Variants in TNRC6B observed in about 807,000 individuals in gnomAD.
The protein encoded by TNRC6B is trinucleotide repeat containing adaptor 6B, also known as trinucleotide repeat-containing gene 6B protein.
In TNRC6B, 52 loss-of-function variants were observed where a neutral mutation model predicts 203.6. That is an observed-to-expected ratio of 0.26 (90% CI 0.20 to 0.32). The LOEUF (loss-of-function observed/expected upper bound fraction) is 0.32. Ranked by LOEUF, TNRC6B falls within the 10% of genes least tolerant of loss-of-function variation. The pLI, the probability that TNRC6B is intolerant of heterozygous loss-of-function variation, is 1.00. For missense variants in TNRC6B, 1,923 were observed against 2,286.2 expected, an observed-to-expected ratio of 0.84 and a Z score of 3.24; for synonymous variants, 838 against 845.7, an observed-to-expected ratio of 0.99 and a Z score of 0.16.
Position 40,261,930 on chromosome 22 carries a change from A to G in TNRC6B, c.214A>G (p.Arg72Gly). ...AGTCAATGGTGGCAACAATGCCAAA[A>G]GGGTGGCAGTGCCGAACGGACAACC... is the stretch of plus-strand genomic sequence containing the variant. ...PPVNGGNNAK[R>G]VAVPNGQPPS... is the part of the protein sequence containing the mutation. Residue 72 changes from arginine to glycine, a missense_variant, in exon 4 of 23, where the codon AGG becomes GGG. By Grantham distance (125) the Arg-to-Gly change is moderately radical. Transcript: ENST00000454349. The G allele has an allele frequency of 6.2e-7, 1 of 1,611,992 alleles. No homozygotes were observed. Among genetic ancestry groups the G allele is most frequent in the Non-Finnish European group, 8.5e-7 (1 of 1,178,444 alleles).
At chr22:40,216,291 C>T (rs556626539) in intron 1 of TNRC6B, among the ~76,000 whole-genome samples, 4 of 152,304 alleles carry the variant, frequency 2.6e-5, no homozygotes, top group East Asian at 1.9e-4. Flanking sequence ...CCCAGCCCCT[C>T]ATTTCCCTTA....
chr22:40,229,385 C>T (rs933317494), intron 1 of TNRC6B, among the ~76,000 whole-genome samples: 2 of 151,664 alleles, frequency 1.3e-5, no homozygotes, highest in African/African-American at 4.8e-5. Flanking sequence ...ACTTACGGGG[C>T]TGTGTCATTC....
intron 21 of TNRC6B, 88 bp from the exon 22 acceptor site, chr22:40,321,002 A>G: frequency 1.3e-6 from 2 of 1,494,430 alleles, no homozygotes; most frequent in Middle Eastern, 1.7e-4. Context: ...TGGGCACACT[A>G]GGTCTCAGCC....
At position 40,083,117 on chromosome 22, in the gene TNRC6B, C is replaced by T. The variant is rs116466035; in HGVS notation, c.-120-33938C>T. 5.5e-3 allele frequency among the ~76,000 whole-genome samples: 836 copies of T among 152,182 alleles called. 9 individuals carry two copies. The highest frequency in any genetic ancestry group is 0.019 in the African/African-American group (799 of 41,510). On this transcript the variant is annotated intron_variant, in intron 1 of 23. Coordinates refer to the TNRC6B transcript ENST00000301923. ...AGAGAAGGGGGTTTGATATTAAGTT[C>T]TGAATTACTATTAGCATTTAAGGAT...
In TNRC6B at chr22:40,093,106, A is replaced by G. The variant is rs1235463156; in HGVS notation, c.-120-23949A>G. On this transcript the variant is annotated intron_variant, in intron 1 of 23. Coordinates refer to the TNRC6B transcript ENST00000301923. Reference sequence around the variant, plus strand: ...TGAAAACATGCTGTGCATGATAAATACAATTTTTATCAATTAAGAAAATAA... The same window carrying G: ...TGAAAACATGCTGTGCATGATAAATGCAATTTTTATCAATTAAGAAAATAA... 2.0e-5 allele frequency among the ~76,000 whole-genome samples: 3 copies of G among 152,278 alleles called. No homozygotes were observed. In the East Asian group the frequency reaches 5.8e-4, roughly 29 times the overall value.
At chr22:40,205,041 G>T (rs2069462213) in intron 1 of TNRC6B, among the ~76,000 whole-genome samples, 1 of 152,172 alleles carries the variant, frequency 6.6e-6, no homozygotes, top group Non-Finnish European at 1.5e-5. Flanking sequence ...AGAGCAGTTT[G>T]CCTAACATAT....
At chr22:40,244,220 A>AG (rs2070072436) in intron 1 of TNRC6B, among the ~76,000 whole-genome samples, 1 of 152,208 alleles carries the variant, frequency 6.6e-6, no homozygotes, top group African/African-American at 2.4e-5. Context: ...TTCTTAAAGG[A>AG]GGGCACTGCT....
chr22:40,308,224 C>A (rs369581594), intron 15 of TNRC6B, among the ~76,000 whole-genome samples: 4 of 152,318 alleles, frequency 2.6e-5, no homozygotes, highest in East Asian at 1.9e-4. Context: ...TGGCCCCAGC[C>A]TCCTGTCTGG....
intron 3 of TNRC6B, among the ~76,000 whole-genome samples, chr22:40,153,804 C>T (rs112233098): frequency 0.021 from 3,187 of 150,350 alleles, 70 homozygotes; most frequent in African/African-American, 0.057. Flanking sequence ...GTTTGTCAGC[C>T]GGTAGTATTA....
chr22:40,174,169 CT>C (rs879548015), upstream of TNRC6B, among the ~76,000 whole-genome samples: 114 of 142,542 alleles, frequency 8.0e-4, 1 homozygote, highest in Admixed American at 8.4e-4. Flanking sequence ...TTTTCTTTTT[CT>C]TTTTTTTTTT....
chr22:40,199,338 GA>G (rs1319297215), intron 1 of TNRC6B, among the ~76,000 whole-genome samples: 1 of 152,086 alleles, frequency 6.6e-6, no homozygotes, highest in Admixed American at 6.6e-5. Context: ...CTTTCCAATG[GA>G]GAGGCCTGGC....
chr22:40,178,910 C>T (rs1368242452), intron 1 of TNRC6B, among the ~76,000 whole-genome samples: 2 of 152,172 alleles, frequency 1.3e-5, no homozygotes, highest in Non-Finnish European at 2.9e-5. Flanking sequence ...AACAGCTATT[C>T]ACCGCGATTA....
chr22:40,106,144 T>C (rs2068280714), intron 1 of TNRC6B, among the ~76,000 whole-genome samples: 1 of 152,088 alleles, frequency 6.6e-6, no homozygotes, highest in Non-Finnish European at 1.5e-5. Flanking sequence ...GTTATCCTTT[T>C]CTCTTTTAGA....
chr22:40,287,962 C>T (rs1018162153), intron 12 of TNRC6B, among the ~76,000 whole-genome samples: 3 of 152,208 alleles, frequency 2.0e-5, no homozygotes, highest in Non-Finnish European at 4.4e-5. Flanking sequence ...TTTCTGAGCA[C>T]ACCAGATTAA....
intron 4 of TNRC6B, among the ~76,000 whole-genome samples, chr22:40,172,646 C>A (rs957804740): frequency 1.3e-5 from 2 of 152,190 alleles, no homozygotes; most frequent in Non-Finnish European, 2.9e-5. Context: ...TTTGTACCAT[C>A]TTAGTCTAAA....
intron 4 of TNRC6B, chr22:40,156,219 G>T: frequency 6.5e-7 from 1 of 1,545,834 alleles, no homozygotes; most frequent in East Asian, 2.4e-5. Flanking sequence ...TCCTATTACA[G>T]ATCCTCGGAA....
intron 1 of TNRC6B, 145 bp downstream of exon 1, chr22:40,178,285 G>A: frequency 3.4e-6 from 3 of 879,760 alleles, no homozygotes; most frequent in Non-Finnish European, 5.1e-6. Flanking sequence ...AATCAGACCC[G>A]TGATGTACTT....
chr22:40,059,018 C>T (rs573829019), intron 1 of TNRC6B, among the ~76,000 whole-genome samples: 1 of 152,140 alleles, frequency 6.6e-6, no homozygotes, highest in Non-Finnish European at 1.5e-5. Context: ...ATCCAAACAC[C>T]TTTGTTCCAG....
At chr22:40,103,397 G>A (rs1049793747) in intron 1 of TNRC6B, among the ~76,000 whole-genome samples, 1 of 152,042 alleles carries the variant, frequency 6.6e-6, no homozygotes, top group African/African-American at 2.4e-5. Flanking sequence ...CCATGCCCCA[G>A]GCAGCCCCTG....
Sources: gnomAD v4.1 joint callset for allele counts (sites outside exome capture counted in the v4.1 genomes callset) on GRCh38, gnomAD v4.1.1 for gene constraint, MANE v1.5 for transcripts, NCBI Gene and HGNC (gene_info 2026-07-23, HGNC 2026-07-21) for gene names.